MAN1A1: variants seen among roughly 807,000 people sequenced by gnomAD.
The protein encoded by MAN1A1 is mannosyl-oligosaccharide 1,2-alpha-mannosidase IA.
A neutral mutation model predicts 70.8 loss-of-function variants in MAN1A1; 29 were observed. The ratio of observed to expected loss-of-function variants is 0.41; its 90% confidence interval spans 0.31 to 0.56. MAN1A1 has a LOEUF of 0.56. Among genes scored for constraint, MAN1A1 ranks in the 20% least tolerant of loss-of-function variants. MAN1A1 has a pLI of 0.29. For synonymous variants in MAN1A1, 349 were observed against 330.1 expected, an observed-to-expected ratio of 1.06 and a Z score of -0.62; for missense variants, 747 against 841.3, an observed-to-expected ratio of 0.89 and a Z score of 1.39.
At chr6:119,211,052 A>G in intron 6 of MAN1A1, 1 of 311,834 alleles carries the variant, frequency 3.2e-6, no homozygotes, top group Non-Finnish European at 6.4e-6. Flanking sequence ...AGTATATTCC[A>G]TCTTCGGAAA....
chr6:119,338,225 G>A (rs1430799911), intron 2 of MAN1A1, among the ~76,000 whole-genome samples: 5 of 151,846 alleles, frequency 3.3e-5, no homozygotes, highest in Admixed American at 1.3e-4. Flanking sequence ...TAGTTCTGGC[G>A]CTTGGCAGAC....
intron 6 of MAN1A1, among the ~76,000 whole-genome samples, chr6:119,237,843 C>T (rs377593573): frequency 6.6e-5 from 10 of 152,188 alleles, no homozygotes; most frequent in East Asian, 3.9e-4. Context: ...GGGTAGCATG[C>T]TACATTTTTT....
chr6:119,281,473 G>A (rs1433874277), intron 5 of MAN1A1, among the ~76,000 whole-genome samples: 2 of 152,194 alleles, frequency 1.3e-5, no homozygotes, highest in Non-Finnish European at 2.9e-5. Context: ...TTTCAGACAA[G>A]TGCATTAAAA....
At chr6:119,349,889 A>T (rs1361053992), upstream of MAN1A1, 8 of 388,220 alleles carry the variant, frequency 2.1e-5, no homozygotes, top group Non-Finnish European at 2.5e-5. Flanking sequence ...GAGGAGGGGG[A>T]TGCGCGGGGC....
intron 1 of MAN1A1, 57 bp from the exon 2 acceptor site, chr6:119,349,344 G>C (rs1773839016): frequency 9.0e-7 from 1 of 1,114,634 alleles, no homozygotes; most frequent in African/African-American, 1.6e-5. Flanking sequence ...AGTTTCCAGC[G>C]GGTCTCCGCC....
At position 119,311,876 on chromosome 6, in the gene MAN1A1, G is replaced by A. The variant is rs138073562; in HGVS notation, c.604-4884C>T. On this transcript the variant is annotated intron_variant, in intron 2 of 12. Transcript: ENST00000368468. ...GATGCTAGGTAAGGTTTCACAGAAC[G>A]TGTAAGGCAGGCTCTAAATGCTAAA... Among the ~76,000 whole-genome samples, 494 of 152,222 alleles carry A rather than the reference G, an allele frequency of 3.2e-3. 2 individuals carry two copies. The highest frequency in any genetic ancestry group is 0.011 in the African/African-American group (461 of 41,528).
chr6:119,313,166 G>A (rs1424806152), intron 2 of MAN1A1, among the ~76,000 whole-genome samples: 1 of 152,174 alleles, frequency 6.6e-6, no homozygotes, highest in Non-Finnish European at 1.5e-5. Context: ...GTCACCAAGA[G>A]GTGACAGTGC....
In MAN1A1 at chr6:119,214,798, A is replaced by G. The variant is rs1042967198; in HGVS notation, c.993-9916T>C. Among the ~76,000 whole-genome samples, 3 of 152,132 alleles carry G rather than the reference A, an allele frequency of 2.0e-5. No individual in the cohort carries two copies. The East Asian group carries it at 5.8e-4, about 29-fold the overall frequency. On this transcript the variant is annotated intron_variant, in intron 6 of 12. Transcript: ENST00000368468. ...TGAGATTACAGGCATGAACTACCACACTTGGCCCACTACAGTATTTTGAAA... is the reference window on the plus strand; with the variant it reads ...TGAGATTACAGGCATGAACTACCACGCTTGGCCCACTACAGTATTTTGAAA...
chr6:119,277,103 A>G (rs1776087287), intron 5 of MAN1A1, among the ~76,000 whole-genome samples: 1 of 152,230 alleles, frequency 6.6e-6, no homozygotes, highest in African/African-American at 2.4e-5. Context: ...GTTAAAAACA[A>G]ACATTGCCCT....
rs77683431 is a variant in MAN1A1 at position 119,312,906 on chromosome 6, G to T, written c.604-5914C>A. 5.9e-3 allele frequency among the ~76,000 whole-genome samples: 893 copies of T among 152,196 alleles called. 30 individuals carry two copies. In the East Asian group the frequency reaches 0.09, roughly 15 times the overall value. ...TCAGAAAATACAGCTTACTAAAAAA[G>T]TAAGTATTATCTCCCTTACAGCACA... On this transcript the variant is annotated intron_variant, in intron 2 of 12. Coordinates refer to ENST00000368468, the MANE Select transcript of MAN1A1 (RefSeq NM_005907.4).
intron 2 of MAN1A1, among the ~76,000 whole-genome samples, chr6:119,310,116 T>C (rs1334672767): frequency 1.3e-5 from 2 of 152,224 alleles, no homozygotes; most frequent in African/African-American, 4.8e-5. Context: ...ACAACTCTAT[T>C]GTTGTTTCTA....
intron 6 of MAN1A1, among the ~76,000 whole-genome samples, chr6:119,236,885 T>C (rs1210594611): frequency 7.3e-6 from 1 of 137,444 alleles, no homozygotes; most frequent in Non-Finnish European, 1.6e-5. Context: ...ATTTGTAATT[T>C]ATGGGAGGAA....
At position 119,268,325 on chromosome 6, in the gene MAN1A1, T is replaced by C. The variant is rs369725518; in HGVS notation, c.898-19971A>G. Reference sequence around the variant, plus strand: ...AATTTATTTGATTCGGACCACAAAATACAGGGAAGGAGCAAGGGCTACCCT... The same window carrying C: ...AATTTATTTGATTCGGACCACAAAACACAGGGAAGGAGCAAGGGCTACCCT... On this transcript the variant is annotated intron_variant, in intron 5 of 12. Transcript: ENST00000368468. Among the ~76,000 whole-genome samples the C allele has an allele frequency of 3.9e-5, 6 of 152,170 alleles. No homozygotes were observed. The South Asian group carries it at 1.2e-3, about 32-fold the overall frequency.
chr6:119,219,907 G>A (rs1182467629), intron 6 of MAN1A1, among the ~76,000 whole-genome samples: 1 of 148,690 alleles, frequency 6.7e-6, no homozygotes, highest in African/African-American at 2.5e-5. Context: ...AACTTAGTAA[G>A]AAAAGCTAGG....
intron 3 of MAN1A1, among the ~76,000 whole-genome samples, chr6:119,305,047 T>G (rs1213872369): frequency 6.6e-6 from 1 of 152,176 alleles, no homozygotes; most frequent in African/African-American, 2.4e-5. Context: ...TATTTTAATT[T>G]GAAGATGGAA....
chr6:119,335,016 T>C (rs904730752), intron 2 of MAN1A1, among the ~76,000 whole-genome samples: 1 of 152,176 alleles, frequency 6.6e-6, no homozygotes, highest in Admixed American at 6.5e-5. Context: ...CTCTATGGTT[T>C]TCCTGAGGAT....
intron 4 of MAN1A1, among the ~76,000 whole-genome samples, chr6:119,298,359 C>T (rs1021572224): frequency 1.3e-5 from 2 of 152,066 alleles, no homozygotes; most frequent in East Asian, 1.9e-4. Flanking sequence ...CAAAATGAAT[C>T]GACTTCCTAT....
intron 5 of MAN1A1, among the ~76,000 whole-genome samples, chr6:119,266,061 T>C (rs748552847): frequency 6.6e-6 from 1 of 152,026 alleles, no homozygotes; most frequent in Non-Finnish European, 1.5e-5. Flanking sequence ...CGTAACAAAA[T>C]ATGTACAAGA....
At chr6:119,192,521 TA>T (rs1773467664) in intron 9 of MAN1A1, among the ~76,000 whole-genome samples, 2 of 152,156 alleles carry the variant, frequency 1.3e-5, no homozygotes, top group Admixed American at 1.3e-4. Flanking sequence ...TATATTTAAA[TA>T]AAAAAGTACG....
Sources: gnomAD v4.1 joint callset for allele counts (sites outside exome capture counted in the v4.1 genomes callset) on GRCh38, gnomAD v4.1.1 for gene constraint, MANE v1.5 for transcripts, NCBI Gene and HGNC (gene_info 2026-07-23, HGNC 2026-07-21) for gene names.